SUPT3H: variants seen among roughly 807,000 people sequenced by gnomAD.
The protein encoded by SUPT3H is SPT3 homolog, SAGA and STAGA complex component, also known as transcription initiation protein SPT3 homolog.
Under a neutral mutation model 44.3 loss-of-function variants are expected in SUPT3H, and 44 were observed. That is an observed-to-expected ratio of 0.99 (90% CI 0.78 to 1.28). SUPT3H has a LOEUF of 1.28. Ranked by LOEUF, SUPT3H falls within the 50% of genes most tolerant of loss-of-function variation. SUPT3H has a pLI of 0.00. For synonymous variants in SUPT3H, 124 were observed against 125.6 expected, an observed-to-expected ratio of 0.99 and a Z score of 0.09; for missense variants, 380 against 387.1, an observed-to-expected ratio of 0.98 and a Z score of 0.15.
chr6:45,205,960 T>C (rs146891162), intron 2 of SUPT3H, among the ~76,000 whole-genome samples: 9 of 152,084 alleles, frequency 5.9e-5, no homozygotes, highest in African/African-American at 1.9e-4. Context: ...AATTCAACAA[T>C]TATGAGAAAT....
At chr6:45,142,712 G>C (rs1447986549) in intron 2 of SUPT3H, among the ~76,000 whole-genome samples, 2 of 105,846 alleles carry the variant, frequency 1.9e-5, no homozygotes, top group Non-Finnish European at 3.5e-5. Context: ...CTCCAGCCTG[G>C]GCAAGAAGAG....
chr6:44,918,223 A>C (rs1167548461), intron 10 of SUPT3H, among the ~76,000 whole-genome samples: 2 of 152,202 alleles, frequency 1.3e-5, no homozygotes, highest in Non-Finnish European at 1.5e-5. Context: ...CATGAAACTC[A>C]CAAGTTAGTA....
intron 3 of SUPT3H, among the ~76,000 whole-genome samples, chr6:45,021,113 G>A (rs1397576633): frequency 2.0e-5 from 3 of 151,834 alleles, no homozygotes; most frequent in Admixed American, 6.6e-5. Context: ...AAAAAAATAC[G>A]TTTAGTTTTG....
In SUPT3H at chr6:45,311,357, G is replaced by A. The variant is rs143216848; in HGVS notation, c.101+53844C>T. ...AAGAATAATCAGTGTTCCTGAGGAA[G>A]AAGACAATTCTAAAAGCTTAGAAAA... On this transcript the variant is annotated intron_variant, in intron 2 of 10. Transcript: ENST00000371459. Among the ~76,000 whole-genome samples, 324 of 152,272 alleles carry A rather than the reference G, an allele frequency of 2.1e-3. 1 individual carries two copies. Among genetic ancestry groups the A allele is most frequent in the African/African-American group, 7.5e-3 (310 of 41,556 alleles).
intron 2 of SUPT3H, among the ~76,000 whole-genome samples, chr6:45,246,322 T>C (rs1031548179): frequency 3.9e-5 from 6 of 152,194 alleles, no homozygotes; most frequent in Admixed American, 6.5e-5. Flanking sequence ...GTTTTTAGTA[T>C]AATATCCAAG....
intron 2 of SUPT3H, among the ~76,000 whole-genome samples, chr6:45,360,244 AG>A (rs1387564650): frequency 2.6e-5 from 4 of 152,298 alleles, no homozygotes; most frequent in African/African-American, 9.6e-5. Context: ...CGTCTATAAA[AG>A]GGGAATAATA....
intron 9 of SUPT3H, among the ~76,000 whole-genome samples, chr6:44,937,846 G>A (rs1037600530): frequency 2.0e-5 from 3 of 149,926 alleles, no homozygotes; most frequent in African/African-American, 4.9e-5. Context: ...GTCCCCTGTC[G>A]GATGCACAAT....
chr6:45,008,664 T>A (rs1783051568), intron 5 of SUPT3H, among the ~76,000 whole-genome samples: 2 of 152,108 alleles, frequency 1.3e-5, no homozygotes, highest in African/African-American at 4.8e-5. Flanking sequence ...CTTGTTTTTA[T>A]CTTTTTGATC....
intron 10 of SUPT3H, among the ~76,000 whole-genome samples, chr6:44,852,468 C>G (rs1319801646): frequency 6.6e-6 from 1 of 152,076 alleles, no homozygotes; most frequent in Non-Finnish European, 1.5e-5. Context: ...TTAACCTCTT[C>G]TGGTTCTAAG....
intron 10 of SUPT3H, among the ~76,000 whole-genome samples, chr6:44,852,974 T>C (rs75135840): frequency 0.012 from 1,849 of 148,238 alleles, 36 homozygotes; most frequent in African/African-American, 0.043. Flanking sequence ...GTTTTACATC[T>C]ATATCTTTAA....
intron 3 of SUPT3H, among the ~76,000 whole-genome samples, chr6:45,054,193 C>A (rs551082384): frequency 6.6e-6 from 1 of 151,754 alleles, no homozygotes; most frequent in Admixed American, 6.6e-5. Flanking sequence ...TCTTCTCCCC[C>A]CTGTAAGCTG....
chr6:45,019,401 T>C (rs554131018), intron 4 of SUPT3H, among the ~76,000 whole-genome samples: 1 of 152,210 alleles, frequency 6.6e-6, no homozygotes, highest in South Asian at 2.1e-4. Context: ...CTTTTGAATG[T>C]GTTTGCTCTT....
intron 10 of SUPT3H, among the ~76,000 whole-genome samples, chr6:44,881,333 G>A (rs965098811): frequency 6.6e-6 from 1 of 152,138 alleles, no homozygotes; most frequent in Non-Finnish European, 1.5e-5. Context: ...AACAAGAAGA[G>A]CTAACTATCC....
chr6:45,067,655 C>G (rs927560763), intron 3 of SUPT3H, among the ~76,000 whole-genome samples: 2 of 150,586 alleles, frequency 1.3e-5, no homozygotes, highest in Admixed American at 6.6e-5. Flanking sequence ...GGGCGAAGGA[C>G]ATGAACAGAC....
At chr6:44,858,320 T>C (rs560584059) in intron 10 of SUPT3H, among the ~76,000 whole-genome samples, 2 of 152,214 alleles carry the variant, frequency 1.3e-5, no homozygotes, top group Non-Finnish European at 2.9e-5. Context: ...CTAAATTTAC[T>C]GAGTGCTTGT....
intron 10 of SUPT3H, among the ~76,000 whole-genome samples, chr6:44,924,254 T>C (rs1769185228): frequency 6.6e-6 from 1 of 152,090 alleles, no homozygotes; most frequent in African/African-American, 2.4e-5. Context: ...TATAGCACAT[T>C]ATTAAAAACG....
intron 10 of SUPT3H, among the ~76,000 whole-genome samples, chr6:44,894,418 T>C (rs1268283906): frequency 1.3e-5 from 2 of 152,200 alleles, no homozygotes; most frequent in African/African-American, 2.4e-5. Context: ...AAGGAAGGGA[T>C]CCAGTTTCAG....
At chr6:44,902,621 C>T (rs137906910) in intron 10 of SUPT3H, among the ~76,000 whole-genome samples, 7,213 of 152,072 alleles carry the variant, frequency 0.047, 244 homozygotes, top group South Asian at 0.13. Context: ...GACACATCAA[C>T]GAGACAGAAA....
chr6:45,025,003 T>A (rs1290666373), intron 3 of SUPT3H, among the ~76,000 whole-genome samples: 2 of 152,204 alleles, frequency 1.3e-5, no homozygotes, highest in Admixed American at 1.3e-4. Flanking sequence ...GTCTCCAGCT[T>A]GCCAAATGAA....
Sources: allele counts gnomAD v4.1 joint callset (sites outside exome capture counted in the v4.1 genomes callset), GRCh38; gene constraint gnomAD v4.1.1; transcripts MANE v1.5; gene names NCBI Gene and HGNC (gene_info 2026-07-23, HGNC 2026-07-21).